CNTNAP5: variants seen among roughly 807,000 people sequenced by gnomAD.
CNTNAP5 encodes contactin associated protein family member 5.
A neutral mutation model predicts 150.2 loss-of-function variants in CNTNAP5; 72 were observed. That is an observed-to-expected ratio of 0.48 (90% CI 0.40 to 0.58). CNTNAP5 has a LOEUF of 0.58. CNTNAP5 is among the 20% of genes least tolerant of loss of function. The pLI, the probability that CNTNAP5 is intolerant of heterozygous loss-of-function variation, is 0.00. For synonymous variants in CNTNAP5, 672 were observed against 619.8 expected, an observed-to-expected ratio of 1.08 and a Z score of -1.25; for missense variants, 1,636 against 1,626.2, an observed-to-expected ratio of 1.01 and a Z score of -0.10.
At chr2:124,066,169 G>A (rs1312114991) in intron 1 of CNTNAP5, among the ~76,000 whole-genome samples, 2 of 151,794 alleles carry the variant, frequency 1.3e-5, no homozygotes, top group African/African-American at 4.9e-5. Context: ...AATGGGTAGG[G>A]TGCCACCTGA....
chr2:124,605,492 T>C (rs1302820859), intron 11 of CNTNAP5, among the ~76,000 whole-genome samples: 2 of 152,150 alleles, frequency 1.3e-5, no homozygotes, highest in Non-Finnish European at 2.9e-5. Context: ...GGTTAAATTA[T>C]CTTGTTTTCA....
intron 10 of CNTNAP5, among the ~76,000 whole-genome samples, chr2:124,538,304 C>T (rs1389359866): frequency 1.3e-5 from 2 of 152,150 alleles, no homozygotes; most frequent in Non-Finnish European, 1.5e-5. Context: ...CACAGCAAAA[C>T]TCCATCTCTA....
chr2:124,627,674 G>C (rs933584849), intron 12 of CNTNAP5, among the ~76,000 whole-genome samples: 4 of 152,116 alleles, frequency 2.6e-5, no homozygotes, highest in African/African-American at 9.7e-5. Flanking sequence ...CCAAATGATT[G>C]CAACGTCTCC....
intron 19 of CNTNAP5, among the ~76,000 whole-genome samples, chr2:124,864,882 A>T (rs1257922669): frequency 1.3e-5 from 2 of 152,172 alleles, no homozygotes; most frequent in African/African-American, 2.4e-5. Context: ...ACGGGTGATA[A>T]CAGGACTGAG....
chr2:124,786,602 G>A (rs1681603669), intron 17 of CNTNAP5, among the ~76,000 whole-genome samples: 1 of 151,834 alleles, frequency 6.6e-6, no homozygotes, highest in Non-Finnish European at 1.5e-5. Flanking sequence ...AGAAAGAAAG[G>A]TAGGAAGGAA....
chr2:124,368,459 C>A (rs1434311128), intron 3 of CNTNAP5, among the ~76,000 whole-genome samples: 1 of 151,990 alleles, frequency 6.6e-6, no homozygotes. Flanking sequence ...CAAATATGAC[C>A]CAGGAAGTTC....
At chr2:124,056,532 G>T (rs755586986) in intron 1 of CNTNAP5, among the ~76,000 whole-genome samples, 16 of 152,178 alleles carry the variant, frequency 1.1e-4, no homozygotes, top group South Asian at 2.1e-4. Flanking sequence ...TGTAATCCCA[G>T]CTACTCAGGC....
intron 16 of CNTNAP5, among the ~76,000 whole-genome samples, chr2:124,766,050 G>A (rs1681062115): frequency 6.6e-6 from 1 of 152,186 alleles, no homozygotes; most frequent in South Asian, 2.1e-4. Flanking sequence ...GTGAAGGGAT[G>A]TTTTATCACT....
intron 3 of CNTNAP5, among the ~76,000 whole-genome samples, chr2:124,380,548 A>C (rs1690764274): frequency 6.6e-6 from 1 of 152,176 alleles, no homozygotes; most frequent in African/African-American, 2.4e-5. Flanking sequence ...CTTGCCATAC[A>C]TATCATGTAC....
At chr2:124,725,459 TCTTCCC>T (rs945171079) in intron 13 of CNTNAP5, among the ~76,000 whole-genome samples, 6 of 127,038 alleles carry the variant, frequency 4.7e-5, no homozygotes, top group Admixed American at 1.7e-4. Flanking sequence ...TTCCCCTTCC[TCTTCCC>T]CTTCCCCTTC....
intron 3 of CNTNAP5, among the ~76,000 whole-genome samples, chr2:124,295,037 C>T (rs769276121): frequency 6.3e-4 from 95 of 151,928 alleles, no homozygotes; most frequent in Non-Finnish European, 1.1e-3. Flanking sequence ...ACCTGGGAGG[C>T]GGAGGTTGTA....
At chr2:124,306,719 CT>C (rs762901729) in intron 3 of CNTNAP5, among the ~76,000 whole-genome samples, 14,474 of 65,150 alleles carry the variant, frequency 0.22, 713 homozygotes, top group Non-Finnish European at 0.26. Context: ...CTCTCTCTTT[CT>C]TTTTTTTTTT....
chr2:124,542,310 A>T (rs1268773248), intron 10 of CNTNAP5, among the ~76,000 whole-genome samples: 1 of 149,544 alleles, frequency 6.7e-6, no homozygotes, highest in African/African-American at 2.5e-5. Flanking sequence ...TCCAGGACAT[A>T]TATACATAGT....
intron 3 of CNTNAP5, among the ~76,000 whole-genome samples, chr2:124,295,976 CT>C (rs1303530856): frequency 6.6e-6 from 1 of 152,146 alleles, no homozygotes; most frequent in Admixed American, 6.5e-5. Context: ...TAATCCTCCC[CT>C]GAGCAGTATA....
chr2:124,682,590 C>T (rs748984320), intron 13 of CNTNAP5, among the ~76,000 whole-genome samples: 3 of 152,190 alleles, frequency 2.0e-5, no homozygotes, highest in Non-Finnish European at 4.4e-5. Flanking sequence ...ACATCAAATA[C>T]CCCACATCTT....
chr2:124,389,736 T>A (rs773474175), intron 3 of CNTNAP5, among the ~76,000 whole-genome samples: 14 of 152,024 alleles, frequency 9.2e-5, no homozygotes, highest in Non-Finnish European at 1.9e-4. Flanking sequence ...GGAGGCTTAG[T>A]GGGAGGATTG....
At chr2:124,069,554 G>A (rs1301167440) in intron 1 of CNTNAP5, among the ~76,000 whole-genome samples, 1 of 151,880 alleles carries the variant, frequency 6.6e-6, no homozygotes, top group Non-Finnish European at 1.5e-5. Flanking sequence ...TGCTGTGCTG[G>A]CTTCAGGTCT....
intron 13 of CNTNAP5, among the ~76,000 whole-genome samples, chr2:124,652,228 T>G (rs1678338368): frequency 6.6e-6 from 1 of 152,216 alleles, no homozygotes; most frequent in African/African-American, 2.4e-5. Context: ...TCTTTGTGAT[T>G]CTCATGGATC....
At chr2:124,849,482 T>C (rs1683112848) in intron 19 of CNTNAP5, among the ~76,000 whole-genome samples, 1 of 152,198 alleles carries the variant, frequency 6.6e-6, no homozygotes, top group Non-Finnish European at 1.5e-5. Context: ...CCTCCAGCCT[T>C]GTTCTTCTTT....
Sources: allele counts gnomAD v4.1 joint callset (sites outside exome capture counted in the v4.1 genomes callset), GRCh38; gene constraint gnomAD v4.1.1; transcripts MANE v1.5; gene names NCBI Gene and HGNC (gene_info 2026-07-23, HGNC 2026-07-21).